DHX35: variants seen among roughly 807,000 people sequenced by gnomAD.
The protein encoded by DHX35 is DEAH-box helicase 35, also known as probable ATP-dependent RNA helicase DHX35.
Under a neutral mutation model 99.6 loss-of-function variants are expected in DHX35, and 84 were observed. The ratio of observed to expected loss-of-function variants is 0.84; its 90% CI spans 0.71 to 1.01. The LOEUF (loss-of-function observed/expected upper bound fraction) is 1.01. DHX35 is among the 50% of genes least tolerant of loss of function. DHX35 has a pLI of 0.00. For missense variants in DHX35, 852 were observed against 888.5 expected, an observed-to-expected ratio of 0.96 and a Z score of 0.52; for synonymous variants, 331 against 316.2, an observed-to-expected ratio of 1.05 and a Z score of -0.50.
chr20:39,008,807 C>G (rs1372649509), intron 12 of DHX35, among the ~76,000 whole-genome samples: 1 of 152,248 alleles, frequency 6.6e-6, no homozygotes, highest in Non-Finnish European at 1.5e-5. Flanking sequence ...GCTGTTTCCT[C>G]TTTGCCCAAC....
At chr20:39,009,577 G>GA (rs1201761168) in intron 12 of DHX35, among the ~76,000 whole-genome samples, 2 of 151,200 alleles carry the variant, frequency 1.3e-5, no homozygotes, top group Non-Finnish European at 2.9e-5. Flanking sequence ...GAATATACAT[G>GA]AAAATGAGTT....
chr20:39,038,336 T>G (rs1005994298), intron 21 of DHX35, among the ~76,000 whole-genome samples, 163 bp from the exon 22 acceptor site: 1 of 152,252 alleles, frequency 6.6e-6, no homozygotes, highest in South Asian at 2.1e-4. Context: ...CATTGGCCAC[T>G]TGGGCTTTTT....
At chr20:38,992,277 CAGA>C in intron 6 of DHX35, 76 bp from the exon 7 acceptor site, 1 of 1,206,230 alleles carries the variant, frequency 8.3e-7, no homozygotes. Flanking sequence ...ACTAAATACC[CAGA>C]AGCTCTTTGA....
intron 1 of DHX35, among the ~76,000 whole-genome samples, chr20:38,968,149 C>G (rs2085937138): frequency 1.3e-5 from 2 of 152,242 alleles, no homozygotes; most frequent in South Asian, 4.2e-4. Flanking sequence ...ATGGAGTGGG[C>G]CCTTGGTCCA....
At chr20:39,007,493 T>A (rs911097503) in intron 12 of DHX35, among the ~76,000 whole-genome samples, 1 of 152,252 alleles carries the variant, frequency 6.6e-6, no homozygotes, top group Non-Finnish European at 1.5e-5. Context: ...TTTCAAATCC[T>A]CTCTCAGATG....
At position 39,010,142 on chromosome 20, in the gene DHX35, A is replaced by T; in HGVS notation, c.1223-138A>T. ...TTCCTAAGTATAAAAATAACTTTAT[A>T]TCATGGTATCATGTGCATCTGCTTC... On this transcript the variant is annotated intron_variant, in intron 12 of 21. Coordinates refer to ENST00000252011, the MANE Select transcript of DHX35 (RefSeq NM_021931.4). The T allele has an allele frequency of 1.4e-5, 15 of 1,092,450 alleles. No individual in the cohort carries two copies. The South Asian group carries it at 2.1e-4, about 15-fold the overall frequency. The allele number at this position is 1,092,450 out of a possible 1,614,324, so 67.7% of individuals were successfully genotyped here.
chr20:38,985,242 G>A (rs1172903447), intron 4 of DHX35, among the ~76,000 whole-genome samples: 1 of 151,938 alleles, frequency 6.6e-6, no homozygotes, highest in Non-Finnish European at 1.5e-5. Flanking sequence ...AAAAAAATTA[G>A]CTGGGCATGC....
chr20:38,984,885 T>C (rs1369651414), intron 4 of DHX35, among the ~76,000 whole-genome samples: 1 of 151,940 alleles, frequency 6.6e-6, no homozygotes, highest in Non-Finnish European at 1.5e-5. Context: ...GGCTGAATTT[T>C]ATCATTCAGC....
chr20:38,983,932 CAG>C (rs1310244403), intron 4 of DHX35, among the ~76,000 whole-genome samples, 156 bp downstream of exon 4: 2 of 152,086 alleles, frequency 1.3e-5, no homozygotes, highest in African/African-American at 4.8e-5. Context: ...TTTCCTCAGA[CAG>C]AGTCTCACTC....
At chr20:39,024,037 C>T (rs1351467638) in intron 17 of DHX35, among the ~76,000 whole-genome samples, 1 of 152,216 alleles carries the variant, frequency 6.6e-6, no homozygotes, top group Non-Finnish European at 1.5e-5. Flanking sequence ...GTGGCCCAGC[C>T]TCACGTCATC....
chr20:39,025,947 C>T (rs373902987), intron 18 of DHX35, among the ~76,000 whole-genome samples: 3 of 152,128 alleles, frequency 2.0e-5, no homozygotes, highest in African/African-American at 7.2e-5. Context: ...TAATGTTATC[C>T]TCATTTTACA....
chr20:39,000,334 T>A (rs2086498278), intron 8 of DHX35, among the ~76,000 whole-genome samples: 1 of 152,220 alleles, frequency 6.6e-6, no homozygotes, highest in Non-Finnish European at 1.5e-5. Context: ...CACGTCTGCC[T>A]TCTGTGAACT....
intron 13 of DHX35, among the ~76,000 whole-genome samples, 174 bp from the exon 14 acceptor site, chr20:39,014,706 C>G (rs1164093164): frequency 4.0e-5 from 6 of 151,880 alleles, no homozygotes; most frequent in Non-Finnish European, 8.8e-5. Context: ...TACAAGGGTG[C>G]CTAGAAGGAC....
chr20:39,019,990 T>A (rs2086847714), intron 15 of DHX35, among the ~76,000 whole-genome samples: 1 of 152,214 alleles, frequency 6.6e-6, no homozygotes, highest in South Asian at 2.1e-4. Flanking sequence ...ATATGGTGTT[T>A]GTCTTTCTGT....
At chr20:38,993,830 T>G (rs1264373922) in intron 7 of DHX35, among the ~76,000 whole-genome samples, 1 of 152,182 alleles carries the variant, frequency 6.6e-6, no homozygotes, top group Admixed American at 6.5e-5. Flanking sequence ...ATATTGTGAT[T>G]TGTTATGAAG....
chr20:39,018,604 A>G (rs967642145), intron 14 of DHX35, among the ~76,000 whole-genome samples, 200 bp from the exon 15 acceptor site: 9 of 152,064 alleles, frequency 5.9e-5, no homozygotes, highest in Non-Finnish European at 1.3e-4. Context: ...AAAATTGGGT[A>G]TTCAAGAGCT....
At chr20:39,022,024 A>G in intron 16 of DHX35, 89 bp downstream of exon 16, 4 of 1,264,894 alleles carry the variant, frequency 3.2e-6, no homozygotes, top group Non-Finnish European at 4.6e-6. Flanking sequence ...ACTGCTGAAG[A>G]CAGAGCTGTA....
intron 8 of DHX35, among the ~76,000 whole-genome samples, chr20:38,998,337 A>G (rs1255957657): frequency 1.3e-5 from 2 of 152,224 alleles, no homozygotes; most frequent in African/African-American, 4.8e-5. Context: ...GGAACTTAGC[A>G]TCAGCTGGGG....
At chr20:39,011,607 C>G (rs906506043) in intron 13 of DHX35, among the ~76,000 whole-genome samples, 1 of 152,206 alleles carries the variant, frequency 6.6e-6, no homozygotes, top group Non-Finnish European at 1.5e-5. Context: ...TCCCGAAGTG[C>G]TAGGATTATA....
Sources: gnomAD v4.1 joint callset for allele counts (sites outside exome capture counted in the v4.1 genomes callset) on GRCh38, gnomAD v4.1.1 for gene constraint, MANE v1.5 for transcripts, NCBI Gene and HGNC (gene_info 2026-07-23, HGNC 2026-07-21) for gene names.